ABCC12: variants seen among roughly 807,000 people sequenced by gnomAD.
ABCC12 encodes the protein ATP binding cassette subfamily C member 12.
A neutral mutation model predicts 151.1 loss-of-function variants in ABCC12; 142 were observed. That is an observed-to-expected ratio of 0.94 (90% confidence interval 0.82 to 1.08). The LOEUF (loss-of-function observed/expected upper bound fraction) is 1.08. Ranked by LOEUF, ABCC12 falls within the 50% of genes least tolerant of loss-of-function variation. The pLI is 0.00. For synonymous variants in ABCC12, 645 were observed against 646.4 expected, an observed-to-expected ratio of 1.00 and a Z score of 0.03; for missense variants, 1,638 against 1,691.1, an observed-to-expected ratio of 0.97 and a Z score of 0.55.
chr16:48,144,117 A>G (rs1388105741), intron 3 of ABCC12, 52 bp from the exon 4 acceptor site: 3 of 1,566,848 alleles, frequency 1.9e-6, no homozygotes, highest in South Asian at 1.2e-5. Flanking sequence ...CATTGCCCCA[A>G]CTCTCTCTCT....
At chr16:48,117,142 G>A (rs1963909256) in intron 14 of ABCC12, 119 bp downstream of exon 14, 22 of 906,788 alleles carry the variant, frequency 2.4e-5, no homozygotes, top group Non-Finnish European at 3.0e-5. Context: ...CCTGAGCTTT[G>A]CCCACACGTC....
intron 2 of ABCC12, among the ~76,000 whole-genome samples, chr16:48,150,990 A>G (rs776347694): frequency 2.6e-5 from 4 of 152,194 alleles, no homozygotes; most frequent in Non-Finnish European, 5.9e-5. Flanking sequence ...GTGTACATGT[A>G]TAGCAGTATC....
chr16:48,152,233 G>C (rs1409223408), intron 2 of ABCC12, among the ~76,000 whole-genome samples: 5 of 152,202 alleles, frequency 3.3e-5, no homozygotes, highest in African/African-American at 4.8e-5. Context: ...ACAGAGGGAG[G>C]CTATCCACTG....
At chr16:48,125,918 T>C (rs772398937) in intron 11 of ABCC12, among the ~76,000 whole-genome samples, 1 of 152,164 alleles carries the variant, frequency 6.6e-6, no homozygotes, top group Non-Finnish European at 1.5e-5. Context: ...GTAAATTTGG[T>C]TGGCTGAGTG....
chr16:48,108,337 A>G (rs974008230), intron 19 of ABCC12, 103 bp downstream of exon 19: 1 of 1,108,850 alleles, frequency 9.0e-7, no homozygotes, highest in Non-Finnish European at 1.3e-6. Context: ...CCTAGCATAA[A>G]CAGAATAATT....
intron 23 of ABCC12, 101 bp downstream of exon 23, chr16:48,100,771 A>G: frequency 2.2e-6 from 3 of 1,385,406 alleles, no homozygotes; most frequent in Non-Finnish European, 2.9e-6. Context: ...TTTGTCTGTG[A>G]TCAGTCCCCA....
rs59000493 is a variant in ABCC12 at position 48,100,912 on chromosome 16, T to C, written c.2998A>G (p.Ile1000Val). ...TCCTTCTTGCCATAGGCGTGAATGA[T>C]GCCCAGGCCCTGCATGGAGGAGGTG... ...HITSSMQGLG[I>V]IHAYGKKESC... The change falls in exon 23 of 31, where the codon ATC becomes GTC. Residue 1000 changes from isoleucine to valine, a missense_variant. Physicochemically the swap from Ile to Val is conservative, Grantham distance 29. Coordinates refer to ENST00000311303, the MANE Select transcript of ABCC12 (RefSeq NM_001393797.1). 5.4e-4 allele frequency: 865 copies of C among 1,614,204 alleles called. 6 individuals are homozygous for C. In the African/African-American group the frequency reaches 0.01, roughly 19 times the overall value.
At position 48,081,870 on chromosome 16, in the gene ABCC12, T is replaced by G. The variant is rs1212133715; in HGVS notation, c.*1845A>C. 1.3e-5 allele frequency among the ~76,000 whole-genome samples: 2 copies of G among 152,152 alleles called. No individual in the cohort carries two copies. The highest frequency in any genetic ancestry group is 2.9e-5 in the Non-Finnish European group (2 of 68,006). The stretch of plus-strand genomic sequence containing the variant: ...TCACAGACTGATTATCTGGCTGGTG[T>G]CCAGTTGGTAGAAAGTAAAGCATCC... On this transcript the variant is annotated 3_prime_UTR_variant, in exon 31 of 31. Transcript: ENST00000311303.
chr16:48,121,912 C>T (rs1597315942), intron 12 of ABCC12, 72 bp from the exon 13 acceptor site: 3 of 1,596,378 alleles, frequency 1.9e-6, no homozygotes, highest in Middle Eastern at 3.3e-4. Context: ...CCATTGCACC[C>T]TGGCACCCAC....
intron 9 of ABCC12, among the ~76,000 whole-genome samples, chr16:48,132,981 A>G (rs1426410525): frequency 1.3e-5 from 2 of 152,160 alleles, no homozygotes; most frequent in Non-Finnish European, 2.9e-5. Flanking sequence ...CTAAGCCCAG[A>G]CTTTGACCCC....
chr16:48,111,754 C>T (rs1398043772), intron 16 of ABCC12, 22 bp downstream of exon 16: 1 of 1,614,144 alleles, frequency 6.2e-7, no homozygotes. Flanking sequence ...ATTGTTCCCA[C>T]ACCTGCCCAG....
chr16:48,088,565 A>G lies in ABCC12; in HGVS notation c.3455T>C (p.Ile1152Thr). 1 of 1,614,032 alleles carries G rather than the reference A, an allele frequency of 6.2e-7. No homozygotes were observed. Among genetic ancestry groups the G allele is most frequent in the Non-Finnish European group, 8.5e-7 (1 of 1,179,954 alleles). ...CTCACCGGAACCTGTTCTTCCAACA[A>G]TCCCGACTGTCTGCCCACTTTGTAT... ...LNIQSGQTVGIVGRTGSGKSS... is the reference protein window; with the variant it reads ...LNIQSGQTVGTVGRTGSGKSS... The change falls in exon 26 of 31, where the codon ATT becomes ACT. Residue 1152 changes from isoleucine (I) to threonine (T), a missense_variant. Physicochemically the swap from Ile to Thr is moderately conservative, Grantham distance 89. Transcript: ENST00000311303.
intron 11 of ABCC12, among the ~76,000 whole-genome samples, chr16:48,126,811 C>T (rs544143336): frequency 7.1e-4 from 108 of 152,318 alleles, no homozygotes; most frequent in Admixed American, 4.0e-3. Flanking sequence ...CCCACTTTAT[C>T]TTCAATTTAT....
chr16:48,115,754 C>G, intron 14 of ABCC12, 136 bp from the exon 15 acceptor site: 1 of 907,164 alleles, frequency 1.1e-6, no homozygotes, highest in Admixed American at 2.9e-5. Context: ...GTTCCTCCGC[C>G]CCTTACAGGG....
chr16:48,085,453 T>C, intron 29 of ABCC12, 140 bp downstream of exon 29: 1 of 719,580 alleles, frequency 1.4e-6, no homozygotes, highest in Non-Finnish European at 2.3e-6. Flanking sequence ...AACTTTGTCT[T>C]AAGAAAAAGT....
intron 10 of ABCC12, 23 bp downstream of exon 10, chr16:48,130,765 T>G (rs1290743465): frequency 6.5e-7 from 1 of 1,549,898 alleles, no homozygotes; most frequent in Admixed American, 1.7e-5. Flanking sequence ...CTCTCTTCCC[T>G]ACTCACCCAG....
At chr16:48,135,483 C>A (rs867952718) in intron 8 of ABCC12, among the ~76,000 whole-genome samples, 1 of 152,198 alleles carries the variant, frequency 6.6e-6, no homozygotes, top group African/African-American at 2.4e-5. Flanking sequence ...CAGGCTCAAG[C>A]GATCCTTCCA....
Position 48,154,552 on chromosome 16 carries a change from T to C in ABCC12, c.-319-668A>G, listed in dbSNP as rs1003167875. Among the ~76,000 whole-genome samples, 7 of 152,300 alleles carry C rather than the reference T, an allele frequency of 4.6e-5. No homozygotes were observed. In the East Asian group the frequency reaches 1.2e-3, roughly 25 times the overall value. On this transcript the variant is annotated intron_variant, in intron 1 of 30. Coordinates refer to ENST00000311303, the MANE Select transcript of ABCC12 (RefSeq NM_001393797.1). ...TCTGTGACTCTGAGATTTGGGGTCA[T>C]GTAACATTTATTATTGCATTGGCAC...
intron 18 of ABCC12, among the ~76,000 whole-genome samples, chr16:48,110,798 A>G (rs545131148): frequency 1.3e-5 from 2 of 152,086 alleles, no homozygotes; most frequent in East Asian, 1.9e-4. Flanking sequence ...CAAATTCCCC[A>G]TTACTCTTAC....
Sources: gnomAD v4.1 joint callset for allele counts (sites outside exome capture counted in the v4.1 genomes callset) on GRCh38, gnomAD v4.1.1 for gene constraint, MANE v1.5 for transcripts, NCBI Gene and HGNC (gene_info 2026-07-23, HGNC 2026-07-21) for gene names.